TSC22D1: variants seen among roughly 807,000 people sequenced by gnomAD.
TSC22D1 encodes TSC22 domain family member 1, also known as TSC22 domain family protein 1.
Under a neutral mutation model 74.2 loss-of-function variants are expected in TSC22D1, and 9 were observed. That is an observed-to-expected ratio of 0.12 (90% CI 0.07 to 0.21). TSC22D1 has a LOEUF of 0.21. Ranked by LOEUF, TSC22D1 falls within the 10% of genes least tolerant of loss-of-function variation. TSC22D1 has a pLI of 1.00. For synonymous variants in TSC22D1, 586 were observed against 492.5 expected (o/e 1.19, Z -2.51); for missense variants, 1,427 against 1,304.7 (o/e 1.09, Z -1.44).
At chr13:44,501,586 T>G (rs900984944) in intron 1 of TSC22D1, among the ~76,000 whole-genome samples, 1 of 151,896 alleles carries the variant, frequency 6.6e-6, no homozygotes, top group Non-Finnish European at 1.5e-5. Flanking sequence ...AGCGTATTAG[T>G]AGGAATCAAG....
rs777060050 is a variant in TSC22D1 at position 44,573,799 on chromosome 13, G to A, written c.2276C>T (p.Pro759Leu). The A allele has an allele frequency of 2.4e-5, 39 of 1,614,118 alleles. No homozygotes were observed. The highest frequency in any genetic ancestry group is 3.3e-5 in the Admixed American group (2 of 60,002). The change falls in exon 1 of 3, where the codon CCT (proline) becomes CTT (leucine). Residue 759 changes from proline (P) to leucine (L), a missense_variant. By Grantham distance (98) the Pro-to-Leu change is moderately conservative. Around this residue, in one of 3 missense-constraint regions of TSC22D1, gnomAD observed 1,343 missense variants for 1,191.5 expected, o/e 1.13. Transcript: ENST00000458659. ...AGGTGGAACCACTTGCGAAGATGGAGGAGCACCCTGCTGAATAACTGAAGG... is the reference window on the plus strand; with the variant it reads ...AGGTGGAACCACTTGCGAAGATGGAAGAGCACCCTGCTGAATAACTGAAGG... ...VPPSVIQQGA[P>L]PSSQVVPPAQ...
intron 1 of TSC22D1, among the ~76,000 whole-genome samples, chr13:44,461,815 G>A (rs539881667): frequency 3.6e-4 from 55 of 152,280 alleles, no homozygotes; most frequent in African/African-American, 1.3e-3. Context: ...ACAGATACCA[G>A]TTGTAAATGG....
intron 1 of TSC22D1, among the ~76,000 whole-genome samples, chr13:44,517,644 A>G (rs919718804): frequency 6.6e-6 from 1 of 150,450 alleles, no homozygotes; most frequent in Non-Finnish European, 1.5e-5. Flanking sequence ...CAGGAGTTCA[A>G]GACCAGCCTG....
chr13:44,557,990 A>G (rs1882795831), intron 1 of TSC22D1, among the ~76,000 whole-genome samples: 3 of 152,230 alleles, frequency 2.0e-5, no homozygotes, highest in Non-Finnish European at 4.4e-5. Flanking sequence ...TACTTTTTAA[A>G]TGTACTAAGA....
rs1467769833 is a variant in TSC22D1, at chr13:44,435,919, G to C, written c.2964+125C>G. ...ACGCTGGCCGAATGGAGACAGCGCC[G>C]GCATTTCTACGCGCATCAAGAGCAA... is the stretch of plus-strand genomic sequence containing the variant. On this transcript the variant is annotated intron_variant, in intron 2 of 2. Coordinates refer to ENST00000458659, the MANE Select transcript of TSC22D1 (RefSeq NM_183422.4). The C allele has an allele frequency of 2.9e-6, 3 of 1,047,246 alleles. No homozygotes were observed. In the East Asian group the frequency reaches 7.8e-5, roughly 27 times the overall value. 64.9% of individuals were successfully genotyped at this position (1,047,246 alleles called of 1,614,324 possible).
At chr13:44,437,499 C>A (rs538459527) in intron 1 of TSC22D1, among the ~76,000 whole-genome samples, 1 of 152,032 alleles carries the variant, frequency 6.6e-6, no homozygotes, top group East Asian at 1.9e-4. Context: ...ATTATATATT[C>A]TTTGCTAGGC....
intron 1 of TSC22D1, among the ~76,000 whole-genome samples, chr13:44,540,914 C>A (rs1881430591): frequency 6.6e-6 from 1 of 152,102 alleles, no homozygotes; most frequent in Non-Finnish European, 1.5e-5. Context: ...AGTAATACAT[C>A]CCTATTAAAT....
chr13:44,446,489 G>A (rs75648417), intron 1 of TSC22D1, among the ~76,000 whole-genome samples: 1 of 152,090 alleles, frequency 6.6e-6, no homozygotes, highest in East Asian at 1.9e-4. Context: ...GACTCCAGAA[G>A]TGGGGAGGGA....
At chr13:44,541,171 G>A (rs1881446441) in intron 1 of TSC22D1, among the ~76,000 whole-genome samples, 1 of 152,138 alleles carries the variant, frequency 6.6e-6, no homozygotes. Flanking sequence ...GCACTAAGAC[G>A]GTAGCAACCA....
intron 1 of TSC22D1, among the ~76,000 whole-genome samples, chr13:44,480,886 T>TG (rs913103509): frequency 1.3e-5 from 2 of 152,166 alleles, no homozygotes; most frequent in Admixed American, 1.3e-4. Context: ...ATAGAGATTA[T>TG]GGGGGGCTGC....
intron 1 of TSC22D1, among the ~76,000 whole-genome samples, chr13:44,572,504 A>G (rs956625210): frequency 1.3e-5 from 2 of 152,234 alleles, no homozygotes; most frequent in African/African-American, 4.8e-5. Flanking sequence ...AAAAATGTTC[A>G]GCATACTATC....
chr13:44,525,265 A>G (rs1243778203), intron 1 of TSC22D1, among the ~76,000 whole-genome samples: 1 of 152,184 alleles, frequency 6.6e-6, no homozygotes, highest in Non-Finnish European at 1.5e-5. Flanking sequence ...CTCCTGTAAA[A>G]CAGGAAATCA....
chr13:44,509,015 G>A (rs1368039746), intron 1 of TSC22D1, among the ~76,000 whole-genome samples: 1 of 152,026 alleles, frequency 6.6e-6, no homozygotes, highest in Non-Finnish European at 1.5e-5. Flanking sequence ...ACAAGTTTAG[G>A]GAAAATTAAA....
rs567828492 is a variant in TSC22D1, at chr13:44,434,574, C to T, written c.*52G>A. 4.7e-6 allele frequency: 7 copies of T among 1,495,862 alleles called. No homozygotes were observed. Among genetic ancestry groups the T allele is most frequent in the Admixed American group, 4.9e-5 (2 of 41,014 alleles). 92.7% of individuals were successfully genotyped at this position (1,495,862 alleles called of 1,614,324 possible). A position where few individuals can be genotyped will look rare whatever the true frequency, so the allele number is the denominator to read the frequency against. On this transcript the variant is annotated 3_prime_UTR_variant, in exon 3 of 3. Transcript: ENST00000458659. ...AGGCAGATTCTCCCTAGCACATCTT[C>T]TCCGTCTGTTCAGTTCACACGCAGC...
chr13:44,512,808 C>A (rs1206133736), intron 1 of TSC22D1, among the ~76,000 whole-genome samples: 1 of 152,120 alleles, frequency 6.6e-6, no homozygotes, highest in African/African-American at 2.4e-5. Flanking sequence ...CGCCATCACG[C>A]CCAGCTAATT....
chr13:44,461,275 A>G (rs1402203556), intron 1 of TSC22D1, among the ~76,000 whole-genome samples: 1 of 152,228 alleles, frequency 6.6e-6, no homozygotes, highest in African/African-American at 2.4e-5. Flanking sequence ...ATATGAACTC[A>G]GGTTTTTCTG....
chr13:44,446,419 G>GTTA (rs955025207), intron 1 of TSC22D1, among the ~76,000 whole-genome samples: 23 of 152,072 alleles, frequency 1.5e-4, no homozygotes, highest in Admixed American at 3.3e-4. Context: ...CTGTAGTGGT[G>GTTA]TTATGCCCAC....
intron 1 of TSC22D1, among the ~76,000 whole-genome samples, chr13:44,551,424 G>GTC (rs1269794399): frequency 3.3e-4 from 50 of 151,458 alleles, no homozygotes; most frequent in Non-Finnish European, 6.0e-4. Flanking sequence ...GTGTGTGTGT[G>GTC]TGTGTGTGTC....
intron 1 of TSC22D1, among the ~76,000 whole-genome samples, chr13:44,492,558 G>C (rs1407181056): frequency 6.6e-6 from 1 of 152,000 alleles, no homozygotes; most frequent in Admixed American, 6.6e-5. Context: ...ACAAAACTAA[G>C]CAACACATTG....
Sources: allele counts gnomAD v4.1 joint callset (sites outside exome capture counted in the v4.1 genomes callset), GRCh38; gene constraint gnomAD v4.1.1; regional missense constraint gnomAD v4.1.1; transcripts MANE v1.5; gene names NCBI Gene and HGNC (gene_info 2026-07-23, HGNC 2026-07-21).